The following TPM3 variants were observed in gnomAD, a reference collection of about 807,000 sequenced individuals.
TPM3 encodes tropomyosin 3, also known as tropomyosin alpha-3 chain.
A neutral mutation model predicts 43.1 loss-of-function variants in TPM3; 16 were observed. That is an observed-to-expected ratio of 0.37 (90% CI 0.25 to 0.56). The LOEUF (loss-of-function observed/expected upper bound fraction) is 0.56, where lower values mean the gene tolerates loss of function less well. Ranked by LOEUF, TPM3 falls within the 20% of genes least tolerant of loss-of-function variation. The probability of loss-of-function intolerance (pLI) is 0.77; values close to 1 mark genes in which losing one functional copy is unlikely to be tolerated. For missense variants in TPM3, 176 were observed against 337.2 expected (o/e 0.52, Z 3.74); for synonymous variants, 101 against 116.9 (o/e 0.86, Z 0.88).
intron 2 of TPM3, chr1:154,187,578 AG>A: frequency 1.1e-6 from 1 of 916,774 alleles, no homozygotes; most frequent in Non-Finnish European, 1.3e-6. Context: ...CATCTAGGTG[AG>A]GGGTGCTATG....
At chr1:154,189,691 A>C (rs1663588391) in intron 2 of TPM3, among the ~76,000 whole-genome samples, 1 of 150,356 alleles carries the variant, frequency 6.7e-6, no homozygotes, top group African/African-American at 2.4e-5. Flanking sequence ...CCAGTTACTC[A>C]GGAGGCTGAG....
In TPM3 at chr1:154,171,450, G is replaced by C; in HGVS notation, c.605C>G (p.Thr202Ser). ...AGCCTCAAGAGACTTGAGGTTGTTGGTGACATTCTTCAGCTCCTCCTCCAG... is the reference window on the plus strand; with the variant it reads ...AGCCTCAAGAGACTTGAGGTTGTTGCTGACATTCTTCAGCTCCTCCTCCAG... ...SELEEELKNV[T>S]NNLKSLEAQA... The change falls in exon 6 of 10, where the codon ACC becomes AGC. Residue 202 changes from threonine to serine, a missense_variant. Coordinates refer to ENST00000651641, the MANE Select transcript of TPM3 (RefSeq NM_152263.4). The C allele has an allele frequency of 1.8e-5, 29 of 1,614,156 alleles. No individual in the cohort carries two copies. The highest frequency in any genetic ancestry group is 2.5e-5 in the Non-Finnish European group (29 of 1,180,028).
rs978862136 is a variant in TPM3, at chr1:154,166,683, G to A, written c.*1254C>T. ...ATCTCTGCTGTGTAAATTGGAATGC[G>A]AATTCCTTTTTTTTTTTTGAGATGG... is the stretch of plus-strand genomic sequence containing the variant. On this transcript the variant is annotated 3_prime_UTR_variant, in exon 10 of 10. Coordinates refer to ENST00000651641, the MANE Select transcript of TPM3 (RefSeq NM_152263.4). 4.3e-5 allele frequency: 43 copies of A among 1,000,516 alleles called. No individual in the cohort carries two copies. The Middle Eastern group carries it at 1.9e-3, about 45-fold the overall frequency. 62.0% of individuals were successfully genotyped at this position (1,000,516 alleles called of 1,614,324 possible).
downstream of TPM3, among the ~76,000 whole-genome samples, chr1:154,161,569 G>A (rs962406699): frequency 6.6e-6 from 1 of 150,740 alleles, no homozygotes; most frequent in Non-Finnish European, 1.5e-5. Context: ...CTGAGTAGCT[G>A]GGATTACAGG....
intron 2 of TPM3, chr1:154,183,357 C>A (rs948239434): frequency 5.8e-6 from 8 of 1,387,056 alleles, no homozygotes; most frequent in Non-Finnish European, 7.6e-6. Context: ...GTACGGCTCC[C>A]GGCCTTACCT....
chr1:154,171,947 G>C (rs1302997513), intron 5 of TPM3: 60 of 1,412,760 alleles, frequency 4.2e-5, no homozygotes, highest in Admixed American at 5.0e-5. Context: ...TCAAGTGGAG[G>C]GGAGGCAGCT....
At chr1:154,176,700 C>G (rs1402103470) in intron 2 of TPM3, among the ~76,000 whole-genome samples, 2 of 148,444 alleles carry the variant, frequency 1.3e-5, no homozygotes, top group East Asian at 4.0e-4. Context: ...GGTATCCTGA[C>G]TGGGTGTGGT....
chr1:154,176,376 GC>G, intron 2 of TPM3, 128 bp from the exon 3 acceptor site: 2 of 1,345,618 alleles, frequency 1.5e-6, no homozygotes, highest in Non-Finnish European at 2.1e-6. Flanking sequence ...ACTTGTCTTA[GC>G]TCAGCTGTTA....
chr1:154,169,950 A>G (rs1661392033), intron 8 of TPM3: 1 of 250,740 alleles, frequency 4.0e-6, no homozygotes, highest in Admixed American at 5.1e-5. Context: ...AGCTCCTGAC[A>G]TTGGTCAATG....
intron 2 of TPM3, among the ~76,000 whole-genome samples, chr1:154,178,729 T>C (rs1318653710): frequency 6.6e-6 from 1 of 152,234 alleles, no homozygotes; most frequent in East Asian, 1.9e-4. Flanking sequence ...TCTTAGGTTT[T>C]AGCATGCCCA....
At chr1:154,159,163 T>TAGC (rs1660106379), downstream of TPM3, 3 of 697,478 alleles carry the variant, frequency 4.3e-6, no homozygotes, top group South Asian at 4.4e-5. Context: ...GTCTTTCAAC[T>TAGC]AGCTGGTATA....
chr1:154,155,734 ATTGTT>A (rs1222491895), downstream of TPM3: 1 of 226,008 alleles, frequency 4.4e-6, no homozygotes. Context: ...AGCATTATAT[ATTGTT>A]TTAAGGAGCA....
At position 154,164,118 on chromosome 1, in the gene TPM3, C is replaced by T. The variant is rs190553185; in HGVS notation, c.*3819G>A. On this transcript the variant is annotated 3_prime_UTR_variant, in exon 10 of 10. Transcript: ENST00000651641. ...TATCTTCTTTCCCTTCCCCCAGCTCCCCAAACCAGGACAACATGATCTCCC... is the reference window on the plus strand; with the variant it reads ...TATCTTCTTTCCCTTCCCCCAGCTCTCCAAACCAGGACAACATGATCTCCC... Among the ~76,000 whole-genome samples the T allele has an allele frequency of 1.6e-3, 244 of 152,128 alleles. 2 individuals carry two copies. The highest frequency in any genetic ancestry group is 3.0e-3 in the Non-Finnish European group (205 of 68,000).
chr1:154,186,425 A>G (rs1558065418), intron 2 of TPM3, among the ~76,000 whole-genome samples: 1 of 151,574 alleles, frequency 6.6e-6, no homozygotes, highest in Non-Finnish European at 1.5e-5. Context: ...GGACTGACTC[A>G]TGATAGCCTT....
intron 2 of TPM3, among the ~76,000 whole-genome samples, chr1:154,190,863 T>TA (rs775542249): frequency 2.5e-4 from 38 of 152,296 alleles, no homozygotes; most frequent in Non-Finnish European, 5.4e-4. Flanking sequence ...GGAGGTAGGA[T>TA]AAGTGACAGC....
At chr1:154,180,848 C>T (rs1456501783) in intron 2 of TPM3, among the ~76,000 whole-genome samples, 2 of 151,948 alleles carry the variant, frequency 1.3e-5, no homozygotes, top group African/African-American at 4.8e-5. Context: ...TCACTTGAGC[C>T]TGGGAGGTGG....
At position 154,166,034 on chromosome 1, in the gene TPM3, TTC is replaced by T. The variant is rs1001178790; in HGVS notation, c.*1901_*1902del. Among the ~76,000 whole-genome samples the T allele has an allele frequency of 6.6e-5, 10 of 152,278 alleles. No homozygotes were observed. Among genetic ancestry groups the T allele is most frequent in the African/African-American group, 2.4e-4 (10 of 41,560 alleles). On this transcript the variant is annotated 3_prime_UTR_variant, in exon 10 of 10. Transcript: ENST00000651641. ...GTAGGAATGGTGCCTCCATCTTTAT[TTC>T]TGTCTCCATCTTAATATCCTATACC...
chr1:154,158,951 A>G (rs767171438), downstream of TPM3: 3 of 779,970 alleles, frequency 3.8e-6, no homozygotes, highest in Non-Finnish European at 2.4e-6. Context: ...TTTAATGGGC[A>G]TCATTGAGCC....
intron 2 of TPM3, chr1:154,183,661 G>C (rs565581970): frequency 5.7e-6 from 1 of 176,784 alleles, no homozygotes; most frequent in East Asian, 1.5e-4. Flanking sequence ...AGACTTTCTG[G>C]GCCTCAGGTT....
Sources: gnomAD v4.1 joint callset for allele counts (sites outside exome capture counted in the v4.1 genomes callset) on GRCh38, gnomAD v4.1.1 for gene constraint, MANE v1.5 for transcripts, NCBI Gene and HGNC (gene_info 2026-07-23, HGNC 2026-07-21) for gene names.